Variants in AFDN observed in about 807,000 individuals in gnomAD.
AFDN encodes afadin, adherens junction formation factor, also known as afadin.
A neutral mutation model predicts 216.6 loss-of-function variants in AFDN; 68 were observed. The ratio of observed to expected loss-of-function variants is 0.31; its 90% confidence interval spans 0.26 to 0.38. AFDN has a LOEUF of 0.38. Among genes scored for constraint, AFDN ranks in the 10% least tolerant of loss-of-function variants. The pLI is 1.00. For synonymous variants in AFDN, 868 were observed against 853.7 expected (o/e 1.02, Z -0.29); for missense variants, 2,136 against 2,342.0 (o/e 0.91, Z 1.82).
At chr6:167,943,352 C>G in intron 24 of AFDN, 50 bp from the exon 25 acceptor site, 3 of 1,558,162 alleles carry the variant, frequency 1.9e-6, no homozygotes, top group Non-Finnish European at 2.7e-6. Flanking sequence ...TCCTCCCGCT[C>G]TCTTTGCTCT....
intron 6 of AFDN, among the ~76,000 whole-genome samples, chr6:167,882,387 C>T (rs1786230004): frequency 6.6e-6 from 1 of 151,668 alleles, no homozygotes; most frequent in African/African-American, 2.4e-5. Context: ...AAAAGGAAGC[C>T]AGGCATGGTG....
chr6:167,853,827 A>G (rs964311369), intron 1 of AFDN, among the ~76,000 whole-genome samples: 1 of 152,094 alleles, frequency 6.6e-6, no homozygotes, highest in Non-Finnish European at 1.5e-5. Context: ...CTAACTCTTA[A>G]TGGCACCGTT....
intron 2 of AFDN, among the ~76,000 whole-genome samples, chr6:167,866,555 A>G (rs1201172035): frequency 1.3e-5 from 2 of 152,258 alleles, no homozygotes; most frequent in African/African-American, 4.8e-5. Flanking sequence ...AATAGTACAC[A>G]TAAAATGATG....
At chr6:167,947,010 G>C in intron 27 of AFDN, 109 bp downstream of exon 27, 2 of 943,190 alleles carry the variant, frequency 2.1e-6, no homozygotes, top group Admixed American at 5.8e-5. Context: ...TGCAAACATT[G>C]GCTAACTAGG....
In AFDN at chr6:167,924,377, G is replaced by A. The variant is rs369612207; in HGVS notation, c.3013-628G>A. 3.9e-3 allele frequency among the ~76,000 whole-genome samples: 596 copies of A among 152,270 alleles called. 4 individuals are homozygous for A. Among genetic ancestry groups the A allele is most frequent in the African/African-American group, 0.014 (574 of 41,534 alleles). ...GTAATTTTGCTTTCTCATTCTTTGA[G>A]TCTGTCAGGAGCTGTCTTGCCTTAC... is the stretch of plus-strand genomic sequence containing the variant. On this transcript the variant is annotated intron_variant, in intron 22 of 33. Coordinates refer to ENST00000683244, the MANE Select transcript of AFDN (RefSeq NM_001386888.1).
In AFDN at chr6:167,938,857, A is replaced by G. The variant is rs946893309; in HGVS notation, c.3100-4272A>G. Among the ~76,000 whole-genome samples the G allele has an allele frequency of 1.3e-3, 202 of 152,322 alleles. 1 individual carries two copies. The highest frequency in any genetic ancestry group is 6.5e-4 in the Non-Finnish European group (44 of 68,032). On this transcript the variant is annotated intron_variant, in intron 23 of 33. Coordinates refer to ENST00000683244, the MANE Select transcript of AFDN (RefSeq NM_001386888.1). ...TTTATTGTGAAACTGGAACAAAGAC[A>G]TCTTCCAAAAATGAAAATTGGGAGT...
chr6:167,843,313 T>C (rs996459412), intron 1 of AFDN, among the ~76,000 whole-genome samples: 4 of 152,128 alleles, frequency 2.6e-5, no homozygotes, highest in African/African-American at 4.8e-5. Context: ...CCCTACAATA[T>C]GAGAAGAAAA....
chr6:167,859,650 A>G (rs1443604499), intron 1 of AFDN, among the ~76,000 whole-genome samples: 1 of 152,214 alleles, frequency 6.6e-6, no homozygotes, highest in Non-Finnish European at 1.5e-5. Flanking sequence ...GCTGGCTTGG[A>G]GAATACAGCC....
At position 167,893,885 on chromosome 6, in the gene AFDN, T is replaced by G; in HGVS notation, c.1201T>G (p.Tyr401Asp). The stretch of plus-strand genomic sequence containing the variant: ...AGGGAGAAGGAATCACTTTGCCTAC[T>G]ACAACTATCACACTTACGAAGGTAA... ...SPGRRNHFAY[Y>D]NYHTYEDGSD... Residue 401 changes from tyrosine (Y) to aspartate (D), a missense_variant, in exon 9 of 34, where the codon TAC (tyrosine) becomes GAC (aspartate). Around this residue, in one of 8 missense-constraint regions of AFDN, gnomAD observed 817 missense variants for 965.7 expected, o/e 0.85. Coordinates refer to ENST00000683244, the MANE Select transcript of AFDN (RefSeq NM_001386888.1). 1 of 1,589,378 alleles carries G rather than the reference T, an allele frequency of 6.3e-7. No individual in the cohort carries two copies. Among genetic ancestry groups the G allele is most frequent in the Non-Finnish European group, 8.6e-7 (1 of 1,166,336 alleles).
intron 19 of AFDN, among the ~76,000 whole-genome samples, chr6:167,916,534 A>G (rs1484445292): frequency 6.6e-6 from 1 of 152,202 alleles, no homozygotes; most frequent in East Asian, 1.9e-4. Flanking sequence ...TACAAAGCCA[A>G]ATAATATCCC....
chr6:167,951,724 A>G lies in AFDN; in HGVS notation c.4370A>G (p.Asn1457Ser). The change falls in exon 30 of 34, where the codon AAC (asparagine) becomes AGC (serine). Residue 1457 changes from asparagine to serine, a missense_variant. Physicochemically the swap from Asn to Ser is conservative, Grantham distance 46. Transcript: ENST00000683244. This position sits in a 1 kb window ranked among gnomAD's most constrained non-coding sequence, Gnocchi z 7.1. ...GGCCAGATGCGCACTCAGTCCTTAA[A>G]CCCTGCTCCGTTTTCTCCCCTGACT... The part of the protein sequence containing the change: ...KLGQMRTQSL[N>S]PAPFSPLTAQ... 3 of 1,613,750 alleles carry G rather than the reference A, an allele frequency of 1.9e-6. No individual in the cohort carries two copies. The highest frequency in any genetic ancestry group is 2.5e-6 in the Non-Finnish European group (3 of 1,179,916).
At chr6:167,934,265 A>T (rs1036401810) in intron 23 of AFDN, among the ~76,000 whole-genome samples, 1 of 152,178 alleles carries the variant, frequency 6.6e-6, no homozygotes, top group African/African-American at 2.4e-5. Context: ...CCAGAGCTGG[A>T]ACTACAGCCT....
chr6:167,965,438 GGAAGGAAA>G (rs1392144505), intron 31 of AFDN, among the ~76,000 whole-genome samples: 2 of 152,196 alleles, frequency 1.3e-5, no homozygotes, highest in Non-Finnish European at 2.9e-5. Context: ...GGAGCGTGGA[GGAAGGAAA>G]GAAGGAAAGC....
At chr6:167,960,209 G>A (rs1032081698) in intron 30 of AFDN, among the ~76,000 whole-genome samples, 1 of 152,208 alleles carries the variant, frequency 6.6e-6, no homozygotes, top group African/African-American at 2.4e-5. Context: ...ATGGAAATAC[G>A]TGAGTTAGCC....
Position 167,864,603 on chromosome 6 carries a change from G to A in AFDN, c.158G>A (p.Gly53Glu). 6.2e-7 allele frequency: 1 copy of A among 1,614,150 alleles called. No individual in the cohort carries two copies. The highest frequency in any genetic ancestry group is 8.5e-7 in the Non-Finnish European group (1 of 1,180,028). Residue 53 changes from glycine (G) to glutamate (E), a missense_variant, in exon 2 of 34, where the codon GGA (glycine) becomes GAA (glutamate). Around this residue, in one of 8 missense-constraint regions of AFDN, gnomAD observed 817 missense variants for 965.7 expected, o/e 0.85. Transcript: ENST00000683244. Reference protein sequence around the residue: ...MRFYFQDKAAGNFATKCIRVS... With the variant: ...MRFYFQDKAAENFATKCIRVS... ...TTTTATTTTCAAGATAAAGCTGCTG[G>A]AAACTTTGCAACAAAATGTATTCGG...
At chr6:167,955,184 C>G (rs1796372905) in intron 30 of AFDN, among the ~76,000 whole-genome samples, 1 of 152,146 alleles carries the variant, frequency 6.6e-6, no homozygotes, top group African/African-American at 2.4e-5. Context: ...AACTTGAAGA[C>G]AAATTCTAGT....
chr6:167,862,617 C>G (rs1053131960), intron 1 of AFDN, among the ~76,000 whole-genome samples: 19 of 152,188 alleles, frequency 1.2e-4, no homozygotes, highest in African/African-American at 4.6e-4. Flanking sequence ...TCAGGTGATC[C>G]GCCCACCTCG....
At chr6:167,956,048 G>A (rs894039366) in intron 30 of AFDN, among the ~76,000 whole-genome samples, 14 of 142,766 alleles carry the variant, frequency 9.8e-5, no homozygotes, top group Admixed American at 3.7e-4. Context: ...CCAGGAGGTG[G>A]AGGTTGCAGT....
At chr6:167,943,737 C>G (rs923214151) in intron 25 of AFDN, among the ~76,000 whole-genome samples, 1 of 152,082 alleles carries the variant, frequency 6.6e-6, no homozygotes, top group African/African-American at 2.4e-5. Context: ...AAAATGATAA[C>G]AGGAGATGTG....
Sources: allele counts gnomAD v4.1 joint callset (sites outside exome capture counted in the v4.1 genomes callset), GRCh38; gene constraint gnomAD v4.1.1; regional missense constraint gnomAD v4.1.1; non-coding constraint Gnocchi (gnomAD v3.1); transcripts MANE v1.5; gene names NCBI Gene and HGNC (gene_info 2026-07-23, HGNC 2026-07-21).